The following DNAH14 variants were observed in gnomAD, a reference collection of about 807,000 sequenced individuals.
DNAH14 encodes the protein axonemal beta dynein heavy chain 14.
Under a neutral mutation model 520.9 loss-of-function variants are expected in DNAH14, and 478 were observed. That is an observed-to-expected ratio of 0.92 (90% CI 0.85 to 0.99). The LOEUF (loss-of-function observed/expected upper bound fraction) is 0.99, where lower values mean the gene tolerates loss of function less well. Ranked by LOEUF, DNAH14 falls within the 50% of genes least tolerant of loss-of-function variation. DNAH14 has a pLI of 0.00. For missense variants in DNAH14, 4,831 were observed against 5,234.5 expected (o/e 0.92, Z 2.38); for synonymous variants, 1,581 against 1,757.2 (o/e 0.90, Z 2.51).
chr1:224,959,379 T>A (rs905252411), intron 3 of DNAH14, among the ~76,000 whole-genome samples: 1 of 152,102 alleles, frequency 6.6e-6, no homozygotes, highest in Non-Finnish European at 1.5e-5. Context: ...TGGGAAATTA[T>A]CTCTCTTCTG....
intron 20 of DNAH14, 46 bp downstream of exon 20, chr1:225,082,785 G>A (rs1180603110): frequency 3.1e-5 from 45 of 1,472,576 alleles, no homozygotes; most frequent in Non-Finnish European, 3.8e-5. Context: ...AATACCAGAT[G>A]GGCCAATTTT....
chr1:225,077,274 C>A (rs2072414288), intron 17 of DNAH14, among the ~76,000 whole-genome samples: 1 of 152,130 alleles, frequency 6.6e-6, no homozygotes, highest in Admixed American at 6.5e-5. Context: ...ACCTTACCAG[C>A]ATGTGCATAC....
intron 41 of DNAH14, among the ~76,000 whole-genome samples, chr1:225,224,594 T>C (rs917396978): frequency 2.0e-5 from 3 of 152,206 alleles, no homozygotes; most frequent in African/African-American, 7.2e-5. Context: ...TCTCTGATTA[T>C]GCAGGCCATA....
At chr1:225,328,861 T>C (rs941658392) in intron 64 of DNAH14, among the ~76,000 whole-genome samples, 1 of 152,048 alleles carries the variant, frequency 6.6e-6, no homozygotes, top group Non-Finnish European at 1.5e-5. Context: ...AAAAACAACA[T>C]AACACATGAA....
intron 3 of DNAH14, among the ~76,000 whole-genome samples, chr1:224,959,681 TGCTCAGTTATCAAATTACA>T (rs1473385446): frequency 6.6e-6 from 1 of 152,150 alleles, no homozygotes; most frequent in African/African-American, 2.4e-5. Flanking sequence ...ATATTTTCTC[TGCTCAGTTATCAAATTACA>T]GTTAATAAAC....
At chr1:225,091,711 A>G (rs1329067233) in intron 21 of DNAH14, among the ~76,000 whole-genome samples, 1 of 152,100 alleles carries the variant, frequency 6.6e-6, no homozygotes, top group African/African-American at 2.4e-5. Context: ...ACAATGACAG[A>G]ATCAAATATA....
rs2150547828 is a variant in DNAH14, at chr1:225,360,717, A to G, written c.11813A>G (p.Gln3938Arg). ...ACCAATATCCTCCTGAGATTTGCACAAGAGTTAAAAGGAACAACACATCAT... is the reference window on the plus strand; with the variant it reads ...ACCAATATCCTCCTGAGATTTGCACGAGAGTTAAAAGGAACAACACATCAT... ...DLTNILLRFA[Q>R]ELKGTTHHVT... is the part of the protein sequence containing the mutation. The change falls in exon 75 of 86, where the codon CAA becomes CGA. Residue 3938 changes from glutamine (Q) to arginine (R), a missense_variant. Coordinates refer to ENST00000682510, the MANE Select transcript of DNAH14 (RefSeq NM_001367479.1). 3 of 1,551,734 alleles carry G rather than the reference A, an allele frequency of 1.9e-6. No homozygotes were observed. The East Asian group carries it at 7.3e-5, about 38-fold the overall frequency.
At chr1:224,930,754 T>C (rs1003570770) in intron 1 of DNAH14, among the ~76,000 whole-genome samples, 2 of 152,152 alleles carry the variant, frequency 1.3e-5, no homozygotes, top group Admixed American at 6.5e-5. Flanking sequence ...TCCTCCACCA[T>C]GCCCGGCTAA....
At chr1:224,998,237 T>C (rs2063522605) in intron 8 of DNAH14, among the ~76,000 whole-genome samples, 1 of 152,164 alleles carries the variant, frequency 6.6e-6, no homozygotes, top group African/African-American at 2.4e-5. Flanking sequence ...AGCTCTTTGT[T>C]TCATTAATTT....
intron 75 of DNAH14, among the ~76,000 whole-genome samples, chr1:225,362,403 C>T (rs1458441402): frequency 1.3e-5 from 2 of 151,856 alleles, no homozygotes; most frequent in Non-Finnish European, 2.9e-5. Context: ...GGTGAAACCC[C>T]GTCTCTACTA....
At chr1:225,273,541 T>G (rs1227185071) in intron 52 of DNAH14, among the ~76,000 whole-genome samples, 1 of 152,256 alleles carries the variant, frequency 6.6e-6, no homozygotes, top group African/African-American at 2.4e-5. Context: ...AAATGTAATT[T>G]TATTAACAAT....
intron 55 of DNAH14, among the ~76,000 whole-genome samples, chr1:225,294,836 A>AAAT (rs1553303893): frequency 1.3e-5 from 2 of 150,780 alleles, no homozygotes; most frequent in Non-Finnish European, 1.5e-5. Context: ...AAAAAAAAAA[A>AAAT]AGTTGGTAGA....
intron 83 of DNAH14, 53 bp downstream of exon 83, chr1:225,389,926 T>G: frequency 1.3e-6 from 2 of 1,504,988 alleles, no homozygotes; most frequent in Non-Finnish European, 1.8e-6. Flanking sequence ...AAGTTTGCAC[T>G]CAGTCCTTCT....
chr1:225,011,045 A>T (rs938984593), intron 10 of DNAH14, among the ~76,000 whole-genome samples: 1 of 150,544 alleles, frequency 6.6e-6, no homozygotes, highest in Non-Finnish European at 1.5e-5. Flanking sequence ...TGAAAAAAAA[A>T]CAGCTCCTGG....
intron 11 of DNAH14, among the ~76,000 whole-genome samples, chr1:225,033,675 G>A (rs2066717070): frequency 6.6e-6 from 1 of 152,048 alleles, no homozygotes; most frequent in Non-Finnish European, 1.5e-5. Flanking sequence ...GATCAGTATA[G>A]CCATTTTAAT....
Position 225,144,443 on chromosome 1 carries a change from T to A in DNAH14, c.4555T>A (p.Ser1519Thr), listed in dbSNP as rs767003248. ...WNEKQKLCYVSQGNASFTYGY... is the reference protein window; with the variant it reads ...WNEKQKLCYVTQGNASFTYGY... ...TGAAAAACAAAAGTTGTGCTATGTG[T>A]CTCAAGGAAATGCCAGCTTTACTTA... Residue 1519 changes from serine (S) to threonine (T), a missense_variant, in exon 29 of 86, where the codon TCT becomes ACT. Ser to Thr is a moderately conservative substitution (Grantham distance 58, BLOSUM62 1). Coordinates refer to ENST00000682510, the MANE Select transcript of DNAH14 (RefSeq NM_001367479.1). The A allele has an allele frequency of 1.3e-6, 2 of 1,551,660 alleles. No homozygotes were observed. Among genetic ancestry groups the A allele is most frequent in the South Asian group, 2.4e-5 (2 of 84,062 alleles).
At position 225,022,940 on chromosome 1, in the gene DNAH14, A is replaced by C. The variant is rs74838924; in HGVS notation, c.1108-675A>C. On this transcript the variant is annotated intron_variant, in intron 10 of 85. Coordinates refer to ENST00000682510, the MANE Select transcript of DNAH14 (RefSeq NM_001367479.1). Reference sequence around the variant, plus strand: ...AAAAGAACGATATCATGTCCTTTGCAGCAGCATGATGCAGCTGGAGGTCAT... The same window carrying C: ...AAAAGAACGATATCATGTCCTTTGCCGCAGCATGATGCAGCTGGAGGTCAT... Among the ~76,000 whole-genome samples the C allele has an allele frequency of 0.016, 2,448 of 152,288 alleles. 184 individuals carry two copies. In the East Asian group the frequency reaches 0.22, roughly 14 times the overall value.
Position 225,169,195 on chromosome 1 carries a change from A to G in DNAH14, c.5535+1167A>G, listed in dbSNP as rs573723330. On this transcript the variant is annotated intron_variant, in intron 36 of 85. Coordinates refer to ENST00000682510, the MANE Select transcript of DNAH14 (RefSeq NM_001367479.1). ...GGTAGATAAAACCACAAAGACGGGGAAAAAACAGAGAAGAAAAACTGAAAA... is the reference window on the plus strand; with the variant it reads ...GGTAGATAAAACCACAAAGACGGGGGAAAAACAGAGAAGAAAAACTGAAAA... Among the ~76,000 whole-genome samples, 28 of 152,346 alleles carry G rather than the reference A, an allele frequency of 1.8e-4. No individual in the cohort carries two copies. In the South Asian group the frequency reaches 2.1e-3, roughly 11 times the overall value.
intron 10 of DNAH14, among the ~76,000 whole-genome samples, chr1:225,014,834 A>G (rs2065082150): frequency 6.6e-6 from 1 of 152,118 alleles, no homozygotes; most frequent in Non-Finnish European, 1.5e-5. Context: ...TTTAGTTCAA[A>G]TCTGTTGTTT....
Sources: gnomAD v4.1 joint callset for allele counts (sites outside exome capture counted in the v4.1 genomes callset) on GRCh38, gnomAD v4.1.1 for gene constraint, MANE v1.5 for transcripts, NCBI Gene and HGNC (gene_info 2026-07-23, HGNC 2026-07-21) for gene names.